PXDNL: variants seen among roughly 807,000 people sequenced by gnomAD.
PXDNL encodes the protein probable oxidoreductase PXDNL.
In PXDNL, 145 loss-of-function variants were observed where a neutral mutation model predicts 150.8. The observed-to-expected ratio is 0.96, with a 90% CI of 0.84 to 1.10. The LOEUF (loss-of-function observed/expected upper bound fraction) is 1.10, where lower values mean the gene tolerates loss of function less well. Among genes scored for constraint, PXDNL ranks in the 50% least tolerant of loss-of-function variants. The pLI, the probability that PXDNL is intolerant of heterozygous loss-of-function variation, is 0.00. For synonymous variants in PXDNL, 757 were observed against 725.7 expected, an observed-to-expected ratio of 1.04 and a Z score of -0.69; for missense variants, 2,087 against 1,873.9, an observed-to-expected ratio of 1.11 and a Z score of -2.10.
chr8:51,484,599 C>G (rs955872768), intron 5 of PXDNL, among the ~76,000 whole-genome samples: 1 of 152,192 alleles, frequency 6.6e-6, no homozygotes, highest in African/African-American at 2.4e-5. Context: ...CCGTTGGGTG[C>G]TGCTATGGTT....
intron 17 of PXDNL, among the ~76,000 whole-genome samples, chr8:51,389,399 A>C (rs1807824001): frequency 2.6e-5 from 4 of 152,182 alleles, no homozygotes; most frequent in Admixed American, 1.3e-4. Context: ...CCTGATGTTT[A>C]CTTGAGAAAC....
In PXDNL at chr8:51,409,081, C is replaced by G. The variant is rs1554536413; in HGVS notation, c.2543G>C (p.Arg848Pro). The G allele has an allele frequency of 1.2e-6, 2 of 1,609,594 alleles. No homozygotes were observed. Among genetic ancestry groups the G allele is most frequent in the South Asian group, 1.1e-5 (1 of 91,034 alleles). The change falls in exon 17 of 23, where the codon CGG (arginine) becomes CCG (proline). Residue 848 changes from arginine (R) to proline (P), a missense_variant. Arg to Pro is a moderately radical substitution (Grantham distance 103). Coordinates refer to ENST00000356297, the MANE Select transcript of PXDNL (RefSeq NM_144651.5). ...GTGGGTGCCCCGGGGGTCGGCGTGC[C>G]GGGTGTTCATGGGGAAACAAGGAGG... is the stretch of plus-strand genomic sequence containing the variant. ...NDPPCFPMNT[R>P]HADPRGTHAP...
At chr8:51,784,770 C>T (rs976678279) in intron 1 of PXDNL, among the ~76,000 whole-genome samples, 6 of 151,988 alleles carry the variant, frequency 3.9e-5, no homozygotes, top group Admixed American at 1.3e-4. Flanking sequence ...CTTCCCTTTA[C>T]AATGTTGCTA....
intron 8 of PXDNL, among the ~76,000 whole-genome samples, chr8:51,467,682 T>G (rs1234519863): frequency 6.6e-6 from 1 of 152,102 alleles, no homozygotes; most frequent in Non-Finnish European, 1.5e-5. Flanking sequence ...CAAGTCATTG[T>G]CTTGCTCAAC....
chr8:51,372,393 T>A (rs1281142987), intron 18 of PXDNL, among the ~76,000 whole-genome samples: 2 of 152,198 alleles, frequency 1.3e-5, no homozygotes, highest in African/African-American at 2.4e-5. Flanking sequence ...TTTTTAATTA[T>A]TTTTTGAGAC....
intron 4 of PXDNL, among the ~76,000 whole-genome samples, chr8:51,542,796 C>T (rs1470253873): frequency 6.7e-5 from 10 of 149,418 alleles, no homozygotes; most frequent in South Asian, 2.1e-4. Flanking sequence ...GGTGACAAAG[C>T]GAGACTCCAT....
At chr8:51,383,423 T>C (rs1297275567) in intron 17 of PXDNL, among the ~76,000 whole-genome samples, 2 of 152,174 alleles carry the variant, frequency 1.3e-5, no homozygotes, top group African/African-American at 2.4e-5. Context: ...TCCGAGGGCA[T>C]TGTCCCTGAA....
chr8:51,570,761 A>AT (rs1266778112), intron 3 of PXDNL, among the ~76,000 whole-genome samples: 1 of 151,954 alleles, frequency 6.6e-6, no homozygotes, highest in African/African-American at 2.4e-5. Context: ...GCTAGAATTC[A>AT]TAAGGGTCAA....
At position 51,447,142 on chromosome 8, in the gene PXDNL, C is replaced by T. The variant is rs775070255; in HGVS notation, c.1387G>A (p.Gly463Ser). The T allele has an allele frequency of 6.2e-7, 1 of 1,613,816 alleles. No individual in the cohort carries two copies. Among genetic ancestry groups the T allele is most frequent in the Non-Finnish European group, 8.5e-7 (1 of 1,179,828 alleles). Reference protein sequence around the residue: ...TKTGGQLPVEGQHTVLSSGTL... With the variant: ...TKTGGQLPVESQHTVLSSGTL... ...CCAGAGGAGAGAACTGTATGCTGGC[C>T]TTCCACAGGGAGCTGCCCTCCTGCA... Residue 463 changes from glycine (G) to serine (S), a missense_variant, in exon 12 of 23, where the codon GGC (glycine) becomes AGC (serine). Physicochemically the swap from Gly to Ser is moderately conservative, Grantham distance 56 (BLOSUM62 0). Coordinates refer to ENST00000356297, the MANE Select transcript of PXDNL (RefSeq NM_144651.5).
Position 51,408,078 on chromosome 8 carries a change from T to G in PXDNL, c.3546A>C (p.Gln1182His), listed in dbSNP as rs769721001. 1.9e-6 allele frequency: 3 copies of G among 1,603,372 alleles called. No homozygotes were observed. Among genetic ancestry groups the G allele is most frequent in the Non-Finnish European group, 1.7e-6 (2 of 1,176,188 alleles). The change falls in exon 17 of 23, where the codon CAA (glutamine) becomes CAC (histidine). Residue 1182 changes from glutamine (Q) to histidine (H), a missense_variant. By Grantham distance (24) the Gln-to-His change is conservative. Coordinates refer to ENST00000356297, the MANE Select transcript of PXDNL (RefSeq NM_144651.5). ...ATTTGCATACTTACTTTCTCAGTTT[T>G]TGTCTAATCTCTGAATCTTTAATTT... ...QNEIKDSEIR[Q>H]KLRKLYGSPG...
chr8:51,572,590 TG>T (rs767041929), intron 3 of PXDNL, among the ~76,000 whole-genome samples: 45 of 152,048 alleles, frequency 3.0e-4, no homozygotes, highest in Non-Finnish European at 7.4e-5. Context: ...GTATAGTTTT[TG>T]TTTGGGATGA....
At chr8:51,648,294 T>C (rs368259226) in intron 2 of PXDNL, among the ~76,000 whole-genome samples, 13 of 152,352 alleles carry the variant, frequency 8.5e-5, no homozygotes, top group South Asian at 4.1e-4. Context: ...GGGGATGTGA[T>C]TAAATTAAGG....
intron 1 of PXDNL, among the ~76,000 whole-genome samples, chr8:51,779,815 A>C (rs1374921933): frequency 6.6e-6 from 1 of 152,226 alleles, no homozygotes; most frequent in East Asian, 1.9e-4. Context: ...AACACAAGGC[A>C]GGCAGGGACA....
intron 2 of PXDNL, among the ~76,000 whole-genome samples, chr8:51,636,787 A>G (rs541012961): frequency 6.7e-6 from 1 of 149,968 alleles, no homozygotes; most frequent in Non-Finnish European, 1.5e-5. Context: ...CAATCCTTAT[A>G]AAATTTCCAA....
chr8:51,702,465 C>T (rs566959827), intron 1 of PXDNL, among the ~76,000 whole-genome samples: 1 of 152,170 alleles, frequency 6.6e-6, no homozygotes, highest in African/African-American at 2.4e-5. Flanking sequence ...CATAGCCATG[C>T]GAACAAACCT....
intron 4 of PXDNL, among the ~76,000 whole-genome samples, chr8:51,548,106 AAAAG>A (rs199757232): frequency 1.1e-3 from 171 of 151,778 alleles, no homozygotes; most frequent in African/African-American, 3.9e-3. Flanking sequence ...AAAAAAAAAA[AAAAG>A]AAGGCTTTTG....
intron 12 of PXDNL, among the ~76,000 whole-genome samples, chr8:51,432,272 G>A (rs1233750394): frequency 1.3e-5 from 2 of 152,128 alleles, no homozygotes; most frequent in South Asian, 2.1e-4. Flanking sequence ...TTATACATAC[G>A]GGTTTTTTGT....
chr8:51,375,978 G>A (rs938098567), intron 17 of PXDNL, among the ~76,000 whole-genome samples: 2 of 152,234 alleles, frequency 1.3e-5, no homozygotes, highest in East Asian at 3.8e-4. Context: ...ACTTGGCTGT[G>A]GTTTGCAGAT....
chr8:51,780,156 G>T (rs145212037), intron 1 of PXDNL, among the ~76,000 whole-genome samples: 1 of 152,162 alleles, frequency 6.6e-6, no homozygotes, highest in East Asian at 1.9e-4. Context: ...AGGTTGCAGT[G>T]AGCCAGGATC....
Sources: allele counts gnomAD v4.1 joint callset (sites outside exome capture counted in the v4.1 genomes callset), GRCh38; gene constraint gnomAD v4.1.1; transcripts MANE v1.5; gene names NCBI Gene and HGNC (gene_info 2026-07-23, HGNC 2026-07-21).